PCDHA2: variants seen among roughly 807,000 people sequenced by gnomAD.
PCDHA2 encodes the protein protocadherin alpha 2.
PCDHA2 carries 58 observed loss-of-function variants against 66.0 expected under a neutral mutation model. That is an observed-to-expected ratio of 0.88 (90% CI 0.71 to 1.09). The LOEUF is 1.09. PCDHA2 is among the 50% of genes least tolerant of loss of function. The pLI is 0.00. For synonymous variants in PCDHA2, 634 were observed against 554.0 expected, an observed-to-expected ratio of 1.14 and a Z score of -2.03; for missense variants, 1,267 against 1,242.3, an observed-to-expected ratio of 1.02 and a Z score of -0.30.
At chr5:140,926,340 C>G (rs2083154977) in intron 1 of PCDHA2, 1 of 152,400 alleles carries the variant, frequency 6.6e-6, no homozygotes, top group Non-Finnish European at 1.5e-5. Flanking sequence ...GCGCCGGGAC[C>G]CGACGCGCGG....
At chr5:140,837,219 T>A (rs935838463) in intron 1 of PCDHA2, 1 of 152,352 alleles carries the variant, frequency 6.6e-6, no homozygotes, top group African/African-American at 2.4e-5. Context: ...ACTTGAATTT[T>A]AAGCATTTCT....
rs1346870417 is a variant in PCDHA2 at position 140,982,634 on chromosome 5, TC to T, written c.2536+72del. 11 of 1,555,302 alleles carry T rather than the reference TC, an allele frequency of 7.1e-6. No homozygotes were observed. In the Admixed American group the frequency reaches 2.2e-4, roughly 30 times the overall value. ...GATCAGATGACCTACTTTTGTAAGATCAGGAATGTTGATGGCTCTTTTTCTT... is the reference window on the plus strand; with the variant it reads ...GATCAGATGACCTACTTTTGTAAGATAGGAATGTTGATGGCTCTTTTTCTT... On this transcript the variant is annotated intron_variant, in intron 3 of 3. Transcript: ENST00000526136.
At chr5:140,856,183 C>T (rs1337355592) in intron 1 of PCDHA2, 8 of 1,598,070 alleles carry the variant, frequency 5.0e-6, no homozygotes, top group African/African-American at 2.7e-5. Flanking sequence ...CCTTCGTGGG[C>T]CGCATCGCGC....
At chr5:140,937,705 G>T (rs892429555) in intron 1 of PCDHA2, among the ~76,000 whole-genome samples, 2 of 151,928 alleles carry the variant, frequency 1.3e-5, no homozygotes, top group Admixed American at 6.6e-5. Context: ...GAGGTCAGGA[G>T]ATCAAGACCA....
At chr5:140,919,940 A>C (rs1162813087) in intron 1 of PCDHA2, among the ~76,000 whole-genome samples, 3 of 152,064 alleles carry the variant, frequency 2.0e-5, no homozygotes, top group African/African-American at 7.2e-5. Context: ...GGCTAATTCC[A>C]GTGAAAAGTT....
intron 1 of PCDHA2, chr5:140,866,111 C>T (rs2049154536): frequency 6.6e-6 from 1 of 151,970 alleles, no homozygotes; most frequent in South Asian, 2.1e-4. Flanking sequence ...TTAAGAGTTG[C>T]CTTATAAGAA....
intron 3 of PCDHA2, among the ~76,000 whole-genome samples, chr5:140,996,928 G>A (rs114173550): frequency 6.6e-6 from 1 of 152,032 alleles, no homozygotes; most frequent in African/African-American, 2.4e-5. Flanking sequence ...AAAAAATATA[G>A]CATTTTTGCA....
chr5:140,966,859 G>A, intron 1 of PCDHA2: 1 of 1,577,136 alleles, frequency 6.3e-7, no homozygotes. Flanking sequence ...TCCTGCTGCT[G>A]TTGCTGCTGC....
At chr5:140,993,376 G>A (rs577656854) in intron 3 of PCDHA2, among the ~76,000 whole-genome samples, 6 of 151,752 alleles carry the variant, frequency 4.0e-5, no homozygotes, top group Non-Finnish European at 7.4e-5. Context: ...CCTCCCAGCC[G>A]GGTCCCTGAA....
chr5:140,975,120 C>T (rs2096654332), intron 1 of PCDHA2, among the ~76,000 whole-genome samples: 1 of 152,140 alleles, frequency 6.6e-6, no homozygotes, highest in African/African-American at 2.4e-5. Flanking sequence ...TGTTTTCCTA[C>T]TTACTATTGG....
chr5:140,928,411 A>G, intron 1 of PCDHA2: 2 of 1,614,066 alleles, frequency 1.2e-6, no homozygotes, highest in Non-Finnish European at 1.7e-6. Context: ...CAGTGGGGCC[A>G]TCACTGCCAA....
chr5:140,838,002 T>A (rs183534156), intron 1 of PCDHA2, among the ~76,000 whole-genome samples: 97 of 151,706 alleles, frequency 6.4e-4, no homozygotes, highest in South Asian at 2.7e-3. Context: ...TCCTTTTTTT[T>A]AAAAAAAGAA....
chr5:140,843,338 G>T (rs2150357785), intron 1 of PCDHA2: 1 of 1,596,002 alleles, frequency 6.3e-7, no homozygotes, highest in Non-Finnish European at 8.6e-7. Flanking sequence ...GGTGGAGAGC[G>T]GCCAGGCTCC....
At chr5:140,894,457 T>C (rs2153447013) in intron 1 of PCDHA2, among the ~76,000 whole-genome samples, 1 of 152,166 alleles carries the variant, frequency 6.6e-6, no homozygotes, top group African/African-American at 2.4e-5. Flanking sequence ...AAAAAATATT[T>C]TACTTTTTAT....
chr5:140,935,057 G>A (rs2090168860), intron 1 of PCDHA2, among the ~76,000 whole-genome samples: 1 of 152,034 alleles, frequency 6.6e-6, no homozygotes, highest in Non-Finnish European at 1.5e-5. Flanking sequence ...ATTACAAGAT[G>A]TTCAGATTAT....
chr5:140,980,657 A>G (rs553240428), intron 2 of PCDHA2, among the ~76,000 whole-genome samples: 2 of 151,966 alleles, frequency 1.3e-5, no homozygotes, highest in Non-Finnish European at 2.9e-5. Context: ...ATAAAATAAC[A>G]TAACTTCCTT....
intron 1 of PCDHA2, among the ~76,000 whole-genome samples, chr5:140,899,492 T>A (rs1325439071): frequency 3.9e-5 from 6 of 152,338 alleles, no homozygotes; most frequent in Admixed American, 3.3e-4. Context: ...CTGGATTACA[T>A]TTATTGATTT....
At chr5:140,843,107 G>A in intron 1 of PCDHA2, 2 of 1,595,816 alleles carry the variant, frequency 1.3e-6, no homozygotes, top group Non-Finnish European at 1.7e-6. Context: ...GAAGGTGCGC[G>A]CAGTGGACGC....
intron 1 of PCDHA2, among the ~76,000 whole-genome samples, chr5:140,846,908 T>C (rs991688618): frequency 6.7e-6 from 1 of 149,590 alleles, no homozygotes; most frequent in Admixed American, 6.7e-5. Flanking sequence ...TGAAAGACAA[T>C]CATTTCCTAT....
Sources: allele counts gnomAD v4.1 joint callset (sites outside exome capture counted in the v4.1 genomes callset), GRCh38; gene constraint gnomAD v4.1.1; transcripts MANE v1.5; gene names NCBI Gene and HGNC (gene_info 2026-07-23, HGNC 2026-07-21).